The following EYS variants were observed in gnomAD, a reference collection of about 807,000 sequenced individuals.
EYS encodes the protein protein eyes shut homolog.
In EYS, 250 loss-of-function variants were observed where a neutral mutation model predicts 282.1. The ratio of observed to expected loss-of-function variants is 0.89; its 90% confidence interval spans 0.80 to 0.98. EYS has a LOEUF of 0.98. Ranked by LOEUF, EYS falls within the 50% of genes least tolerant of loss-of-function variation. The pLI, the probability that EYS is intolerant of heterozygous loss-of-function variation, is 0.00. For missense variants in EYS, 4,016 were observed against 3,709.0 expected, an observed-to-expected ratio of 1.08 and a Z score of -2.15; for synonymous variants, 1,355 against 1,282.9, an observed-to-expected ratio of 1.06 and a Z score of -1.20.
At chr6:64,640,344 A>G (rs1768090042) in intron 22 of EYS, among the ~76,000 whole-genome samples, 1 of 152,054 alleles carries the variant, frequency 6.6e-6, no homozygotes, top group African/African-American at 2.4e-5. Flanking sequence ...GATAGACTGG[A>G]TTAAGAAAAT....
Position 64,436,039 on chromosome 6 carries a change from C to A in EYS, c.5927+135G>T, listed in dbSNP as rs771526512. The A allele has an allele frequency of 2.3e-5, 10 of 425,710 alleles. 1 individual carries two copies. The highest frequency in any genetic ancestry group is 4.1e-5 in the Non-Finnish European group (10 of 241,356). 26.4% of individuals were successfully genotyped at this position (425,710 alleles called of 1,614,324 possible). A position where few individuals can be genotyped will look rare whatever the true frequency, so the allele number is the denominator to read the frequency against. ...TTTTAGAATATATAGAAAAGCTTGACAAACATTAATTCATACACATGCACA... is the reference window on the plus strand; with the variant it reads ...TTTTAGAATATATAGAAAAGCTTGAAAAACATTAATTCATACACATGCACA... On this transcript the variant is annotated intron_variant, in intron 28 of 42. Coordinates refer to ENST00000503581, the MANE Select transcript of EYS (RefSeq NM_001142800.2).
chr6:64,475,948 A>G (rs1776253168), intron 26 of EYS, among the ~76,000 whole-genome samples: 1 of 152,042 alleles, frequency 6.6e-6, no homozygotes, highest in Non-Finnish European at 1.5e-5. Flanking sequence ...CAGCATGCTC[A>G]GTTATTTTTT....
At chr6:65,652,563 T>C (rs1278969110) in intron 1 of EYS, among the ~76,000 whole-genome samples, 1 of 151,910 alleles carries the variant, frequency 6.6e-6, no homozygotes, top group Non-Finnish European at 1.5e-5. Flanking sequence ...GTAGTTAGTG[T>C]AAATATAGAG....
chr6:64,296,581 T>TATATATAC (rs1769019310), intron 30 of EYS, among the ~76,000 whole-genome samples: 1 of 6,582 alleles, frequency 1.5e-4, no homozygotes, highest in Non-Finnish European at 2.8e-4. Flanking sequence ...TATATATATA[T>TATATATAC]ATACATATAT....
chr6:64,705,319 A>C (rs1583061903), intron 22 of EYS, among the ~76,000 whole-genome samples: 1 of 152,068 alleles, frequency 6.6e-6, no homozygotes, highest in East Asian at 1.9e-4. Context: ...AATACTGCTG[A>C]AGGAAATCAT....
chr6:64,201,281 AT>A (rs1765454170), intron 31 of EYS, among the ~76,000 whole-genome samples: 1 of 152,046 alleles, frequency 6.6e-6, no homozygotes, highest in Non-Finnish European at 1.5e-5. Context: ...TTCCTATTGT[AT>A]TATAGAGACA....
intron 14 of EYS, among the ~76,000 whole-genome samples, chr6:64,963,505 A>C (rs559008309): frequency 5.3e-5 from 8 of 152,324 alleles, no homozygotes; most frequent in African/African-American, 1.4e-4. Flanking sequence ...ACCTACTGTG[A>C]AACTTTTATG....
intron 26 of EYS, among the ~76,000 whole-genome samples, chr6:64,486,120 TA>T (rs1228551441): frequency 1.3e-5 from 2 of 151,486 alleles, no homozygotes; most frequent in African/African-American, 4.8e-5. Context: ...ACAGGGTTTG[TA>T]ATATTAGAAA....
At chr6:65,119,900 G>C (rs530080141) in intron 12 of EYS, among the ~76,000 whole-genome samples, 1 of 150,896 alleles carries the variant, frequency 6.6e-6, no homozygotes, top group Admixed American at 6.6e-5. Context: ...CACTTTGGGA[G>C]GCCGAGGTGG....
chr6:64,195,369 C>G (rs1230980263), intron 31 of EYS, among the ~76,000 whole-genome samples: 1 of 152,170 alleles, frequency 6.6e-6, no homozygotes, highest in African/African-American at 2.4e-5. Context: ...GAGGCACGAT[C>G]TCAGGTCACT....
At position 65,250,840 on chromosome 6, in the gene EYS, G is replaced by A. The variant is rs745663337; in HGVS notation, c.2023+45023C>T. ...CATCCAAAAAAAAAATTAATCTACC[G>A]TAAGTTAGAATTTGCTTCTCTGTGG... is the stretch of plus-strand genomic sequence containing the variant. On this transcript the variant is annotated intron_variant, in intron 12 of 42. Transcript: ENST00000503581. Among the ~76,000 whole-genome samples, 27 of 151,262 alleles carry A rather than the reference G, an allele frequency of 1.8e-4. 1 individual carries two copies. The highest frequency in any genetic ancestry group is 9.7e-4 in the East Asian group (5 of 5,146).
chr6:65,424,052 C>T (rs557532075), intron 5 of EYS, among the ~76,000 whole-genome samples: 1 of 151,962 alleles, frequency 6.6e-6, no homozygotes, highest in South Asian at 2.1e-4. Flanking sequence ...ACCTTCCTTC[C>T]AGGTTTCTAA....
chr6:64,085,338 G>GCACACA (rs749247868), intron 31 of EYS, among the ~76,000 whole-genome samples: 173 of 85,598 alleles, frequency 2.0e-3, no homozygotes, highest in Middle Eastern at 7.9e-3. Flanking sequence ...GCACGTGCGC[G>GCACACA]CGCACACACA....
intron 35 of EYS, among the ~76,000 whole-genome samples, chr6:63,877,656 G>A (rs1434445014): frequency 6.6e-6 from 1 of 152,072 alleles, no homozygotes; most frequent in African/African-American, 2.4e-5. Flanking sequence ...TTTCTTGGAG[G>A]CTTTGTTCAT....
rs1305327803 is a variant in EYS at position 63,863,668 on chromosome 6, CTTTTTTCT to C, written c.7228+510_7228+517del. Reference sequence around the variant, plus strand: ...CTTTTCTTTTCTTTTCTTTTCTTTTCTTTTTTCTTTTTTTTTTTTTTTTTTGAGATGGA... The same window carrying C: ...CTTTTCTTTTCTTTTCTTTTCTTTTCTTTTTTTTTTTTTTTTTGAGATGGA... On this transcript the variant is annotated intron_variant, in intron 36 of 42. Transcript: ENST00000503581. Among the ~76,000 whole-genome samples, 236 of 69,280 alleles carry C rather than the reference CTTTTTTCT, an allele frequency of 3.4e-3. 3 individuals are homozygous for C. Among genetic ancestry groups the C allele is most frequent in the African/African-American group, 4.8e-3 (101 of 20,956 alleles). The allele number at this position is 69,280 out of a possible 152,430, so 45.5% of individuals were successfully genotyped here.
intron 14 of EYS, among the ~76,000 whole-genome samples, chr6:64,984,363 C>A (rs1476314033): frequency 6.6e-6 from 1 of 151,322 alleles, no homozygotes; most frequent in Non-Finnish European, 1.5e-5. Context: ...TTTTCCACAC[C>A]ATTTTTGTGA....
chr6:65,363,780 A>C, intron 8 of EYS, among the ~76,000 whole-genome samples: 1 of 151,732 alleles, frequency 6.6e-6, no homozygotes, highest in East Asian at 1.9e-4. Context: ...TGTGTCACAT[A>C]TTTTTTCCAA....
At chr6:65,536,626 A>G (rs1330796577) in intron 2 of EYS, among the ~76,000 whole-genome samples, 2 of 152,150 alleles carry the variant, frequency 1.3e-5, no homozygotes, top group African/African-American at 4.8e-5. Flanking sequence ...GAAAAATGTG[A>G]TAGTAATATT....
chr6:65,044,505 T>C (rs1399412636), intron 13 of EYS, among the ~76,000 whole-genome samples: 3 of 151,826 alleles, frequency 2.0e-5, no homozygotes, highest in African/African-American at 7.2e-5. Flanking sequence ...GTAATTTTAC[T>C]ATAGTGAAAA....
Sources: gnomAD v4.1 joint callset for allele counts (sites outside exome capture counted in the v4.1 genomes callset) on GRCh38, gnomAD v4.1.1 for gene constraint, MANE v1.5 for transcripts, NCBI Gene and HGNC (gene_info 2026-07-23, HGNC 2026-07-21) for gene names.